The following ERGIC1 variants were observed in gnomAD, a reference collection of about 807,000 sequenced individuals.
ERGIC1 encodes endoplasmic reticulum-Golgi intermediate compartment protein 1.
A neutral mutation model predicts 38.3 loss-of-function variants in ERGIC1; 19 were observed. The ratio of observed to expected loss-of-function variants is 0.50; its 90% CI spans 0.35 to 0.73. The LOEUF is 0.73. Ranked by LOEUF, ERGIC1 falls within the 30% of genes least tolerant of loss-of-function variation. The probability of loss-of-function intolerance (pLI) is 0.01; values close to 1 mark genes in which losing one functional copy is unlikely to be tolerated. For synonymous variants in ERGIC1, 124 were observed against 157.6 expected, an observed-to-expected ratio of 0.79 and a Z score of 1.60; for missense variants, 294 against 389.2, an observed-to-expected ratio of 0.76 and a Z score of 2.06.
At chr5:172,854,469 GCCACTGTCTGTTGGGTTTGCACGTTCTAC>G in intron 1 of ERGIC1, among the ~76,000 whole-genome samples, 1 of 152,398 alleles carries the variant, frequency 6.6e-6, no homozygotes, top group South Asian at 2.1e-4. Context: ...CCTGGCTGGG[GCCACTGTCTGTTGGGTTTGCACGTTCTAC>G]CCACGTCTGC....
At chr5:172,870,784 C>G (rs1035616480) in intron 1 of ERGIC1, among the ~76,000 whole-genome samples, 2 of 152,196 alleles carry the variant, frequency 1.3e-5, no homozygotes, top group African/African-American at 4.8e-5. Context: ...CTGCCTGGAT[C>G]TCCTCTGCAA....
intron 3 of ERGIC1, among the ~76,000 whole-genome samples, chr5:172,902,675 A>C (rs1421841): frequency 0.2 from 30,803 of 152,050 alleles, 3,434 homozygotes; most frequent in African/African-American, 0.29. Context: ...GGTTGGTAAT[A>C]GATGCACATA....
chr5:172,910,109 C>G (rs1763169647), intron 4 of ERGIC1, among the ~76,000 whole-genome samples: 1 of 152,098 alleles, frequency 6.6e-6, no homozygotes, highest in Non-Finnish European at 1.5e-5. Context: ...TAGGGCAGTA[C>G]GACAGGATAA....
rs532270004 is a variant in ERGIC1 at position 172,938,181 on chromosome 5, C to A, written c.765+2871C>A. ...GTGAGCAAATGATTTAACCCAAGAC[C>A]CCGCAGGGTAGCACACCCCAAGTGG... On this transcript the variant is annotated intron_variant, in intron 9 of 9. Coordinates refer to ENST00000393784, the MANE Select transcript of ERGIC1 (RefSeq NM_001031711.3). 8.5e-5 allele frequency among the ~76,000 whole-genome samples: 13 copies of A among 152,162 alleles called. No homozygotes were observed. The East Asian group carries it at 1.2e-3, about 14-fold the overall frequency.
intron 9 of ERGIC1, among the ~76,000 whole-genome samples, chr5:172,939,684 A>G (rs1763966230): frequency 6.6e-6 from 1 of 152,188 alleles, no homozygotes; most frequent in African/African-American, 2.4e-5. Flanking sequence ...ACCTCCTGAC[A>G]TCATTAGCCT....
chr5:172,909,309 C>T (rs1306563197), intron 3 of ERGIC1, among the ~76,000 whole-genome samples: 3 of 151,704 alleles, frequency 2.0e-5, no homozygotes, highest in Non-Finnish European at 2.9e-5. Flanking sequence ...TTCAGGCATG[C>T]GCCACCACGC....
intron 4 of ERGIC1, among the ~76,000 whole-genome samples, chr5:172,911,580 G>GA (rs1256997229): frequency 2.6e-5 from 4 of 152,088 alleles, no homozygotes; most frequent in South Asian, 2.1e-4. Flanking sequence ...TTTATTATAG[G>GA]AAAAAACGCA....
intron 5 of ERGIC1, chr5:172,915,515 CA>C (rs1270489122): frequency 4.3e-6 from 2 of 463,014 alleles, no homozygotes; most frequent in Non-Finnish European, 9.0e-6. Flanking sequence ...GTTTTGTCCT[CA>C]GAACCAGGAG....
At chr5:172,875,748 C>T (rs887895590) in intron 1 of ERGIC1, among the ~76,000 whole-genome samples, 1 of 152,144 alleles carries the variant, frequency 6.6e-6, no homozygotes, top group African/African-American at 2.4e-5. Flanking sequence ...TGAGCTACCA[C>T]ACCTGACTAA....
rs140860471 is a variant in ERGIC1, at chr5:172,903,953, G to A, written c.156-5714G>A. Reference sequence around the variant, plus strand: ...GTGTGGAATCGGCCCTCAAGAGAGAGATGAGTCTCACACATACACACACAC... The same window carrying A: ...GTGTGGAATCGGCCCTCAAGAGAGAAATGAGTCTCACACATACACACACAC... On this transcript the variant is annotated intron_variant, in intron 3 of 9. Transcript: ENST00000393784. Among the ~76,000 whole-genome samples the A allele has an allele frequency of 6.9e-3, 795 of 115,434 alleles. 8 individuals are homozygous for A. The highest frequency in any genetic ancestry group is 7.3e-3 in the Non-Finnish European group (389 of 53,290). The allele number at this position is 115,434 out of a possible 152,430, so 75.7% of individuals were successfully genotyped here.
At chr5:172,928,121 C>A (rs1236224760) in intron 7 of ERGIC1, among the ~76,000 whole-genome samples, 1 of 152,166 alleles carries the variant, frequency 6.6e-6, no homozygotes, top group Non-Finnish European at 1.5e-5. Flanking sequence ...CCGACGTCGG[C>A]CGTCCACAAA....
At chr5:172,875,468 C>T (rs976680597) in intron 1 of ERGIC1, among the ~76,000 whole-genome samples, 1 of 152,166 alleles carries the variant, frequency 6.6e-6, no homozygotes, top group African/African-American at 2.4e-5. Context: ...ACCCCCCCAG[C>T]AGGCTTCTGC....
chr5:172,944,514 A>G (rs1333871523), intron 9 of ERGIC1, among the ~76,000 whole-genome samples: 1 of 152,092 alleles, frequency 6.6e-6, no homozygotes, highest in Non-Finnish European at 1.5e-5. Context: ...ACCTGCCACC[A>G]CGCTCAGCTA....
intron 3 of ERGIC1, among the ~76,000 whole-genome samples, chr5:172,903,225 G>C (rs1762930040): frequency 6.6e-6 from 1 of 152,216 alleles, no homozygotes. Flanking sequence ...GGCTCAGGGA[G>C]CCCTCGTCCT....
At chr5:172,849,656 G>A (rs1014184876) in intron 1 of ERGIC1, among the ~76,000 whole-genome samples, 3 of 152,172 alleles carry the variant, frequency 2.0e-5, no homozygotes, top group Admixed American at 1.3e-4. Context: ...AATCCCTTAC[G>A]TTTTCCAGTT....
chr5:172,865,972 C>T (rs1761851325), intron 1 of ERGIC1, among the ~76,000 whole-genome samples: 1 of 152,202 alleles, frequency 6.6e-6, no homozygotes, highest in Non-Finnish European at 1.5e-5. Flanking sequence ...CCATCTCCAT[C>T]CCATCCCAGG....
intron 1 of ERGIC1, among the ~76,000 whole-genome samples, chr5:172,883,388 G>C (rs1408076794): frequency 6.6e-6 from 1 of 152,164 alleles, no homozygotes; most frequent in Non-Finnish European, 1.5e-5. Flanking sequence ...ATTGGATTTA[G>C]TTGTCATGTC....
At chr5:172,917,599 C>T (rs778238245) in intron 5 of ERGIC1, 1 of 152,068 alleles carries the variant, frequency 6.6e-6, no homozygotes, top group Non-Finnish European at 1.5e-5. Flanking sequence ...GCTGTAGATC[C>T]GTGTTCTAAA....
At position 172,846,391 on chromosome 5, in the gene ERGIC1, G is replaced by A. The variant is rs569937614; in HGVS notation, c.20+11958G>A. Among the ~76,000 whole-genome samples the A allele has an allele frequency of 3.9e-5, 6 of 152,374 alleles. No individual in the cohort carries two copies. The South Asian group carries it at 1.2e-3, about 32-fold the overall frequency. ...CCCAGCAGCGTAAGATGGGGCAGGA[G>A]AAGGAGCTTGTAAGAACCCATTGTC... On this transcript the variant is annotated intron_variant, in intron 1 of 9. Coordinates refer to ENST00000393784, the MANE Select transcript of ERGIC1 (RefSeq NM_001031711.3). The surrounding 1 kb of genome is among the most constrained non-coding windows in gnomAD (Gnocchi z 4.0).
Sources: gnomAD v4.1 joint callset for allele counts (sites outside exome capture counted in the v4.1 genomes callset) on GRCh38, gnomAD v4.1.1 for gene constraint, Gnocchi (gnomAD v3.1) non-coding constraint, MANE v1.5 for transcripts, NCBI Gene and HGNC (gene_info 2026-07-23, HGNC 2026-07-21) for gene names.